ATXN7L1: variants seen among roughly 807,000 people sequenced by gnomAD.
The protein encoded by ATXN7L1 is ataxin-7-like protein 1.
ATXN7L1 carries 15 observed loss-of-function variants against 70.8 expected under a neutral mutation model. That is an observed-to-expected ratio of 0.21 (90% CI 0.14 to 0.33). The LOEUF (loss-of-function observed/expected upper bound fraction) is 0.33. Among genes scored for constraint, ATXN7L1 ranks in the 10% least tolerant of loss-of-function variants. The pLI, the probability that ATXN7L1 is intolerant of heterozygous loss-of-function variation, is 1.00. For synonymous variants in ATXN7L1, 440 were observed against 445.1 expected (o/e 0.99, Z 0.14); for missense variants, 975 against 1,097.1 (o/e 0.89, Z 1.57).
At position 105,788,704 on chromosome 7, in the gene ATXN7L1, C is replaced by T. The variant is rs760552266; in HGVS notation, c.255G>A (p.Met85Ile). Residue 85 changes from methionine to isoleucine, a missense_variant, in exon 3 of 12, where the codon ATG (methionine) becomes ATA (isoleucine). By Grantham distance (10) the Met-to-Ile change is conservative (BLOSUM62 1). Around this residue, in one of 5 missense-constraint regions of ATXN7L1, gnomAD observed 135 missense variants for 132.6 expected, o/e 1.02. Transcript: ENST00000419735. ...GTGCTGGGTAATGGCCAAATAAGTG[C>T]ATATCTGTGGGGGAAATGAAAACAA... ...REVMRLNKED[M>I]HLFGHYPAHD... 3 of 1,606,570 alleles carry T rather than the reference C, an allele frequency of 1.9e-6. No individual in the cohort carries two copies. The South Asian group carries it at 3.3e-5, about 18-fold the overall frequency.
At chr7:105,867,562 T>A (rs565076983) in intron 2 of ATXN7L1, among the ~76,000 whole-genome samples, 3 of 152,304 alleles carry the variant, frequency 2.0e-5, no homozygotes, top group African/African-American at 7.2e-5. Context: ...TTGGGAACTT[T>A]GGGAGGAGGG....
intron 3 of ATXN7L1, among the ~76,000 whole-genome samples, chr7:105,692,419 T>TTCCCTCCCTCCC (rs1413712743): frequency 0.048 from 5,930 of 122,588 alleles, 275 homozygotes; most frequent in South Asian, 0.071. Context: ...CCTTCCTTCC[T>TTCCCTCCCTCCC]TCCTTCCTCC....
At chr7:105,747,419 C>T (rs1798707389) in intron 3 of ATXN7L1, among the ~76,000 whole-genome samples, 1 of 152,230 alleles carries the variant, frequency 6.6e-6, no homozygotes, top group Admixed American at 6.5e-5. Context: ...CACACTCTAG[C>T]TCCATAGGGA....
chr7:105,630,540 G>A (rs1796435487), intron 7 of ATXN7L1, among the ~76,000 whole-genome samples: 1 of 152,070 alleles, frequency 6.6e-6, no homozygotes, highest in Non-Finnish European at 1.5e-5. Flanking sequence ...TGGGCAACAT[G>A]GTGAAGCCCC....
intron 2 of ATXN7L1, among the ~76,000 whole-genome samples, chr7:105,857,970 G>T (rs1482911215): frequency 6.6e-6 from 1 of 152,172 alleles, no homozygotes; most frequent in African/African-American, 2.4e-5. Flanking sequence ...CAGTGTTCAT[G>T]CCTGTAATCC....
intron 4 of ATXN7L1, among the ~76,000 whole-genome samples, chr7:105,664,575 G>GTGTATGTATGTATATGTATATATA: frequency 7.6e-6 from 1 of 131,988 alleles, no homozygotes; most frequent in African/African-American, 2.8e-5. Flanking sequence ...GTATGTGTGT[G>GTGTATGTATGTATATGTATATATA]TATATATATA....
intron 8 of ATXN7L1, among the ~76,000 whole-genome samples, chr7:105,623,509 T>A (rs1795233413): frequency 6.6e-6 from 1 of 152,228 alleles, no homozygotes; most frequent in South Asian, 2.1e-4. Flanking sequence ...AAAGTGCCCT[T>A]CTTACTAATC....
intron 3 of ATXN7L1, among the ~76,000 whole-genome samples, chr7:105,686,234 G>A (rs1320050202): frequency 6.6e-6 from 1 of 152,132 alleles, no homozygotes; most frequent in Non-Finnish European, 1.5e-5. Flanking sequence ...TGCATTTAAG[G>A]GCCAGTCACA....
intron 3 of ATXN7L1, among the ~76,000 whole-genome samples, chr7:105,740,769 A>ATTTTTTTTTTTTTTTTTTTT (rs1235457353): frequency 2.3e-5 from 2 of 85,684 alleles, no homozygotes; most frequent in Admixed American, 2.5e-4. Context: ...GGCTCCATTC[A>ATTTTTTTTTTTTTTTTTTTT]TTTTTTTTTT....
At chr7:105,798,993 T>C (rs969420072) in intron 2 of ATXN7L1, among the ~76,000 whole-genome samples, 1 of 152,166 alleles carries the variant, frequency 6.6e-6, no homozygotes, top group Non-Finnish European at 1.5e-5. Context: ...TGTTTAGAGA[T>C]TTTAATTTAG....
intron 7 of ATXN7L1, among the ~76,000 whole-genome samples, chr7:105,632,859 T>C (rs759272971): frequency 1.4e-5 from 2 of 140,358 alleles, no homozygotes; most frequent in Non-Finnish European, 3.0e-5. Context: ...AGTTTGAAGC[T>C]GAGATAAGCT....
intron 3 of ATXN7L1, among the ~76,000 whole-genome samples, chr7:105,668,155 G>A (rs1261826663): frequency 6.6e-6 from 1 of 152,170 alleles, no homozygotes; most frequent in Non-Finnish European, 1.5e-5. Context: ...AAATGTGCCA[G>A]GCCAGTGATT....
chr7:105,629,702 G>C (rs1383824023), intron 7 of ATXN7L1, among the ~76,000 whole-genome samples: 1 of 151,590 alleles, frequency 6.6e-6, no homozygotes, highest in Admixed American at 6.6e-5. Flanking sequence ...ATTTTTAGTA[G>C]AGATGGGATT....
chr7:105,778,342 T>C (rs1271736209), intron 3 of ATXN7L1, among the ~76,000 whole-genome samples: 3 of 91,110 alleles, frequency 3.3e-5, no homozygotes, highest in African/African-American at 1.3e-4. Context: ...CCCGCATCTC[T>C]ACAAAAAAAA....
At chr7:105,625,164 C>T (rs1387172853) in intron 7 of ATXN7L1, among the ~76,000 whole-genome samples, 1 of 152,160 alleles carries the variant, frequency 6.6e-6, no homozygotes, top group African/African-American at 2.4e-5. Context: ...CTCATTAGTA[C>T]CTTACTCGGC....
intron 10 of ATXN7L1, among the ~76,000 whole-genome samples, chr7:105,611,184 G>A (rs1409415092): frequency 3.9e-5 from 6 of 152,188 alleles, no homozygotes; most frequent in African/African-American, 9.7e-5. Flanking sequence ...CTATGCATGC[G>A]GGTGTGGCCA....
chr7:105,641,120 A>G (rs988203650), intron 5 of ATXN7L1, among the ~76,000 whole-genome samples: 27 of 146,150 alleles, frequency 1.8e-4, no homozygotes, highest in Non-Finnish European at 3.3e-4. Flanking sequence ...CAAGAAAACT[A>G]CTCTATACCC....
chr7:105,665,101 T>C lies in ATXN7L1; in HGVS notation c.543A>G (p.Thr181=), dbSNP rs998255294. 21 of 1,551,502 alleles carry C rather than the reference T, an allele frequency of 1.4e-5. No individual in the cohort carries two copies. The Admixed American group carries it at 1.6e-4, about 12-fold the overall frequency. ...NLLTSSSKQH[T]VFPAKGSRDK... ...CCCTTGATCCTTTCGCAGGAAAGACTGTGTGCTGTTTGCTGCTGGAGGTAA... is the reference window on the plus strand; with the variant it reads ...CCCTTGATCCTTTCGCAGGAAAGACCGTGTGCTGTTTGCTGCTGGAGGTAA... Residue 181 remains threonine, a synonymous_variant, in exon 4 of 12, where the codon ACA becomes ACG. Coordinates refer to ENST00000419735, the MANE Select transcript of ATXN7L1 (RefSeq NM_020725.2).
At chr7:105,845,289 C>T (rs1404815829) in intron 2 of ATXN7L1, among the ~76,000 whole-genome samples, 1 of 143,930 alleles carries the variant, frequency 6.9e-6, no homozygotes, top group African/African-American at 2.6e-5. Context: ...ATTAGGAAGA[C>T]AATTTCATTT....
Sources: gnomAD v4.1 joint callset for allele counts (sites outside exome capture counted in the v4.1 genomes callset) on GRCh38, gnomAD v4.1.1 for gene constraint, gnomAD v4.1.1 regional missense constraint, MANE v1.5 for transcripts, NCBI Gene and HGNC (gene_info 2026-07-23, HGNC 2026-07-21) for gene names.